The following GPM6A variants were observed in gnomAD, a reference collection of about 807,000 sequenced individuals.
GPM6A encodes the protein glycoprotein M6A, also known as neuronal membrane glycoprotein M6-a.
GPM6A carries 7 observed loss-of-function variants against 32.1 expected under a neutral mutation model. That is an observed-to-expected ratio of 0.22 (90% CI 0.12 to 0.41). The LOEUF (loss-of-function observed/expected upper bound fraction) is 0.41, where lower values mean the gene tolerates loss of function less well. Among genes scored for constraint, GPM6A ranks in the 10% least tolerant of loss-of-function variants. GPM6A has a pLI of 1.00. For synonymous variants in GPM6A, 130 were observed against 123.4 expected, an observed-to-expected ratio of 1.05 and a Z score of -0.35; for missense variants, 235 against 347.2, an observed-to-expected ratio of 0.68 and a Z score of 2.57.
chr4:175,714,147 C>A (rs1282821264), intron 1 of GPM6A, among the ~76,000 whole-genome samples: 1 of 152,068 alleles, frequency 6.6e-6, no homozygotes. Flanking sequence ...TCAGTTCATT[C>A]TGATACTACA....
chr4:175,922,977 T>C (rs1321969002), intron 1 of GPM6A, among the ~76,000 whole-genome samples: 1 of 152,138 alleles, frequency 6.6e-6, no homozygotes, highest in Non-Finnish European at 1.5e-5. Flanking sequence ...TCAGTACATC[T>C]TGTAGCTCAT....
intron 1 of GPM6A, among the ~76,000 whole-genome samples, chr4:175,786,296 G>GT (rs368629281): frequency 0.25 from 35,296 of 141,610 alleles, 4,476 homozygotes; most frequent in Admixed American, 0.31. Context: ...TTTTTGTTTT[G>GT]TTTTTTTTTT....
chr4:175,717,680 T>C (rs1745909907), intron 1 of GPM6A, among the ~76,000 whole-genome samples: 1 of 152,314 alleles, frequency 6.6e-6, no homozygotes, highest in East Asian at 1.9e-4. Context: ...GTTGATAAGA[T>C]TGGTCCTCTA....
rs2126336875 is a variant in GPM6A at position 175,939,289 on chromosome 4, C to G, written c.-23+63020G>C. ...CTGAGGGGGTAAAACAATAGGCAAG[C>G]TCGTGTAGCAGTCTTCAAATCTTTG... On this transcript the variant is annotated intron_variant, in intron 1 of 7. Coordinates refer to the GPM6A transcript ENST00000280187. Among the ~76,000 whole-genome samples the G allele has an allele frequency of 2.0e-5, 3 of 152,274 alleles. No individual in the cohort carries two copies. In the East Asian group the frequency reaches 5.8e-4, roughly 29 times the overall value.
chr4:175,729,752 T>C (rs1342496128), intron 1 of GPM6A, among the ~76,000 whole-genome samples: 5 of 145,760 alleles, frequency 3.4e-5, no homozygotes, highest in Middle Eastern at 3.6e-3. Context: ...AAAATTAATA[T>C]ATAGTATATA....
intron 1 of GPM6A, chr4:175,961,959 C>A: frequency 2.0e-6 from 1 of 492,134 alleles, no homozygotes; most frequent in East Asian, 4.2e-5. Flanking sequence ...GCCCCTCACC[C>A]AACCTTACCA....
chr4:175,812,517 G>C, upstream of GPM6A: 2 of 1,115,870 alleles, frequency 1.8e-6, no homozygotes, highest in Non-Finnish European at 2.2e-6. Context: ...ACTGTAAGCA[G>C]GTATTCAAAC....
chr4:175,980,871 A>G (rs916190555), intron 1 of GPM6A, among the ~76,000 whole-genome samples: 7 of 152,200 alleles, frequency 4.6e-5, no homozygotes, highest in Non-Finnish European at 5.9e-5. Context: ...TTTAAGATGC[A>G]TTCAATTTTT....
intron 1 of GPM6A, among the ~76,000 whole-genome samples, chr4:175,893,986 A>G (rs967716697): frequency 3.3e-5 from 5 of 152,166 alleles, no homozygotes; most frequent in African/African-American, 1.2e-4. Flanking sequence ...TCCTGTTGAA[A>G]TGGATTGGTC....
intron 1 of GPM6A, among the ~76,000 whole-genome samples, chr4:175,875,637 T>G (rs2111446987): frequency 6.6e-6 from 1 of 152,310 alleles, no homozygotes; most frequent in Non-Finnish European, 1.5e-5. Flanking sequence ...TGGTTACTGG[T>G]AAAACCACTG....
chr4:175,830,912 G>T (rs4690638), intron 1 of GPM6A, among the ~76,000 whole-genome samples: 146,929 of 152,108 alleles, frequency 0.97, 71,167 homozygotes, highest in East Asian at 1. Flanking sequence ...AAAAAAAAAG[G>T]AAGTGGAACA....
At chr4:175,868,473 C>T (rs544898248) in intron 1 of GPM6A, among the ~76,000 whole-genome samples, 47 of 152,102 alleles carry the variant, frequency 3.1e-4, no homozygotes, top group Non-Finnish European at 6.2e-4. Flanking sequence ...TATAAAGTTC[C>T]CTCTAAGTAG....
At chr4:175,740,501 T>C (rs1731847016) in intron 1 of GPM6A, among the ~76,000 whole-genome samples, 1 of 152,010 alleles carries the variant, frequency 6.6e-6, no homozygotes. Context: ...GAGAAAAATC[T>C]CTCATTTTCT....
chr4:175,944,968 C>G (rs1739542623), intron 1 of GPM6A, among the ~76,000 whole-genome samples: 1 of 151,594 alleles, frequency 6.6e-6, no homozygotes, highest in African/African-American at 2.4e-5. Flanking sequence ...TTTTCGGTCC[C>G]CAAACCATCA....
chr4:175,987,173 G>T (rs1178719453), intron 1 of GPM6A, among the ~76,000 whole-genome samples: 3 of 152,116 alleles, frequency 2.0e-5, no homozygotes, highest in South Asian at 2.1e-4. Context: ...GAAATGTGTA[G>T]CACTAAGCAT....
In GPM6A at chr4:175,634,910, T is replaced by C. The variant is rs1452078515; in HGVS notation, c.832A>G (p.Thr278Ala). Residue 278 changes from threonine to alanine, a missense_variant, in exon 7 of 7, where the codon ACA (threonine) becomes GCA (alanine). Around this residue, in one of 3 missense-constraint regions of GPM6A, gnomAD observed 27 missense variants for 59.4 expected, o/e 0.45. Coordinates refer to ENST00000393658, the MANE Select transcript of GPM6A (RefSeq NM_201591.3). ...GAAAGAACAGGAAGATGCATTTATG[T>C]GTATGCATTGAGCCGCTCTTTGGAG... ...TRSKERLNAY[T>A] The C allele has an allele frequency of 6.2e-7, 1 of 1,613,030 alleles. No homozygotes were observed. The highest frequency in any genetic ancestry group is 1.7e-5 in the Admixed American group (1 of 59,920).
chr4:175,916,088 T>A (rs1386924427), intron 1 of GPM6A, among the ~76,000 whole-genome samples: 3 of 152,196 alleles, frequency 2.0e-5, no homozygotes. Context: ...TCTCTGATAG[T>A]CTCACCATAT....
chr4:175,930,150 A>C (rs1304753313), intron 1 of GPM6A, among the ~76,000 whole-genome samples: 2 of 152,134 alleles, frequency 1.3e-5, no homozygotes, highest in African/African-American at 4.8e-5. Flanking sequence ...TTAGTCATCA[A>C]ACATAGATAT....
intron 1 of GPM6A, among the ~76,000 whole-genome samples, chr4:175,919,918 A>G (rs1406979567): frequency 6.6e-6 from 1 of 152,220 alleles, no homozygotes; most frequent in Non-Finnish European, 1.5e-5. Context: ...CATCTATGTG[A>G]AAGATGGTTC....
Sources: gnomAD v4.1 joint callset for allele counts (sites outside exome capture counted in the v4.1 genomes callset) on GRCh38, gnomAD v4.1.1 for gene constraint, gnomAD v4.1.1 regional missense constraint, MANE v1.5 for transcripts, NCBI Gene and HGNC (gene_info 2026-07-23, HGNC 2026-07-21) for gene names.